The following TMEM232 variants were observed in gnomAD, a reference collection of about 807,000 sequenced individuals.
TMEM232 encodes the protein transmembrane protein 232.
TMEM232 carries 80 observed loss-of-function variants against 78.8 expected under a neutral mutation model. That is an observed-to-expected ratio of 1.01 (90% CI 0.85 to 1.22). The LOEUF is 1.22. Among genes scored for constraint, TMEM232 ranks in the 50% most tolerant of loss-of-function variants. The pLI is 0.00. For missense variants in TMEM232, 881 were observed against 742.2 expected, an observed-to-expected ratio of 1.19 and a Z score of -2.17; for synonymous variants, 297 against 254.3, an observed-to-expected ratio of 1.17 and a Z score of -1.60.
intron 1 of TMEM232, among the ~76,000 whole-genome samples, chr5:110,690,049 G>C (rs1477452098): frequency 6.6e-6 from 1 of 152,066 alleles, no homozygotes. Context: ...GAAAACCTAG[G>C]CAATACCATT....
chr5:110,566,846 T>A (rs1047439269), intron 11 of TMEM232, among the ~76,000 whole-genome samples: 2 of 151,876 alleles, frequency 1.3e-5, no homozygotes, highest in African/African-American at 2.4e-5. Context: ...ACTGTATCAG[T>A]CCATTTTCGT....
At chr5:110,407,364 AAG>A (rs1189334510) in intron 2 of TMEM232, among the ~76,000 whole-genome samples, 1 of 152,132 alleles carries the variant, frequency 6.6e-6, no homozygotes, top group Non-Finnish European at 1.5e-5. Context: ...GAAACCATAA[AAG>A]AGAGGAGTAA....
chr5:110,643,321 T>C (rs947232535), intron 2 of TMEM232, among the ~76,000 whole-genome samples: 5 of 152,008 alleles, frequency 3.3e-5, no homozygotes, highest in African/African-American at 1.2e-4. Context: ...GTTGGATATA[T>C]GAGTATGAAT....
At chr5:110,466,773 C>T (rs568528170) in intron 12 of TMEM232, among the ~76,000 whole-genome samples, 146 of 151,746 alleles carry the variant, frequency 9.6e-4, no homozygotes, top group East Asian at 7.8e-4. Flanking sequence ...CCACCACGCC[C>T]GGCTAATTTT....
intron 12 of TMEM232, among the ~76,000 whole-genome samples, chr5:110,449,358 G>A (rs1337310090): frequency 2.0e-5 from 3 of 151,842 alleles, no homozygotes; most frequent in East Asian, 1.9e-4. Context: ...TACCCATAAC[G>A]ATTCGGAAAG....
At chr5:110,665,891 CAAAAAAAAAAA>C (rs775392111) in intron 2 of TMEM232, among the ~76,000 whole-genome samples, 1 of 63,802 alleles carries the variant, frequency 1.6e-5, no homozygotes, top group Non-Finnish European at 3.6e-5. Flanking sequence ...CCCATCTCCA[CAAAAAAAAAAA>C]AAAAAAAAAA....
At chr5:110,438,722 C>A (rs955726507) in intron 12 of TMEM232, among the ~76,000 whole-genome samples, 1 of 152,040 alleles carries the variant, frequency 6.6e-6, no homozygotes, top group Non-Finnish European at 1.5e-5. Context: ...GTCGTCAGTT[C>A]CTCCCCTACA....
chr5:110,666,444 T>C (rs1451045029), intron 2 of TMEM232, among the ~76,000 whole-genome samples: 4 of 152,168 alleles, frequency 2.6e-5, no homozygotes, highest in Non-Finnish European at 4.4e-5. Flanking sequence ...AAAACTACTC[T>C]GAACATTTTT....
chr5:110,671,723 C>T (rs921371755), intron 1 of TMEM232, among the ~76,000 whole-genome samples: 2 of 152,044 alleles, frequency 1.3e-5, no homozygotes, highest in African/African-American at 4.8e-5. Context: ...GGGAGGGGAA[C>T]ATCACACACC....
At chr5:110,564,346 T>A (rs1776087678) in intron 11 of TMEM232, among the ~76,000 whole-genome samples, 1 of 151,930 alleles carries the variant, frequency 6.6e-6, no homozygotes, top group Non-Finnish European at 1.5e-5. Context: ...AAAGCATCAA[T>A]GGAAAAATCA....
chr5:110,425,518 C>T (rs540485151), intron 12 of TMEM232, among the ~76,000 whole-genome samples: 34 of 152,156 alleles, frequency 2.2e-4, no homozygotes, highest in African/African-American at 6.0e-4. Flanking sequence ...TAAAAAGAGG[C>T]AGCCAGTGAG....
At chr5:110,412,553 G>T (rs746130523) in intron 2 of TMEM232, among the ~76,000 whole-genome samples, 4 of 142,286 alleles carry the variant, frequency 2.8e-5, no homozygotes, top group Admixed American at 7.1e-5. Context: ...TAGTTGCAAA[G>T]AAATAGCCAA....
chr5:110,708,893 T>C (rs986630881), intron 1 of TMEM232, among the ~76,000 whole-genome samples: 2 of 151,910 alleles, frequency 1.3e-5, no homozygotes, highest in African/African-American at 4.8e-5. Flanking sequence ...CACAATAACA[T>C]TGAATGTAAA....
chr5:110,422,567 GAATT>G (rs933980188), intron 13 of TMEM232, among the ~76,000 whole-genome samples: 10 of 119,200 alleles, frequency 8.4e-5, no homozygotes, highest in African/African-American at 1.9e-4. Context: ...AATCAAAAGA[GAATT>G]AATTCTTAAG....
chr5:110,633,278 T>C (rs948720229), intron 5 of TMEM232, among the ~76,000 whole-genome samples: 13 of 151,902 alleles, frequency 8.6e-5, no homozygotes, highest in African/African-American at 2.9e-4. Flanking sequence ...GTTATTATCA[T>C]GAAAACATAC....
At chr5:110,651,584 C>T (rs974422283) in intron 2 of TMEM232, among the ~76,000 whole-genome samples, 5 of 151,978 alleles carry the variant, frequency 3.3e-5, no homozygotes, top group African/African-American at 1.2e-4. Context: ...CTGTATTTTA[C>T]TCTGGATGTA....
intron 7 of TMEM232, among the ~76,000 whole-genome samples, chr5:110,624,703 G>C (rs373412285): frequency 6.6e-6 from 1 of 151,936 alleles, no homozygotes; most frequent in Non-Finnish European, 1.5e-5. Context: ...GCCCAGAAAG[G>C]TTACAAATAG....
intron 11 of TMEM232, 150 bp downstream of exon 11, chr5:110,568,297 T>C: frequency 2.6e-6 from 2 of 783,270 alleles, no homozygotes; most frequent in Non-Finnish European, 3.8e-6. Context: ...TAATCAAAAA[T>C]AGATCAGTGT....
chr5:110,591,452 T>C (rs754888159), intron 10 of TMEM232, among the ~76,000 whole-genome samples: 1 of 152,186 alleles, frequency 6.6e-6, no homozygotes, highest in Admixed American at 6.5e-5. Flanking sequence ...AGATATATAA[T>C]GTATATAGGA....
Sources: allele counts gnomAD v4.1 joint callset (sites outside exome capture counted in the v4.1 genomes callset), GRCh38; gene constraint gnomAD v4.1.1; transcripts MANE v1.5; gene names NCBI Gene and HGNC (gene_info 2026-07-23, HGNC 2026-07-21).